The following GPATCH2L variants were observed in gnomAD, a reference collection of about 807,000 sequenced individuals.
The protein encoded by GPATCH2L is G-patch domain containing 2 like.
A neutral mutation model predicts 57.4 loss-of-function variants in GPATCH2L; 31 were observed. That is an observed-to-expected ratio of 0.54 (90% confidence interval 0.41 to 0.73). GPATCH2L has a LOEUF of 0.73. Among genes scored for constraint, GPATCH2L ranks in the 30% least tolerant of loss-of-function variants. The pLI is 0.00. For synonymous variants in GPATCH2L, 199 were observed against 210.7 expected (o/e 0.94, Z 0.48); for missense variants, 481 against 599.9 (o/e 0.80, Z 2.07).
intron 1 of GPATCH2L, chr14:76,153,033 G>A (rs1219695440): frequency 3.2e-6 from 1 of 315,952 alleles, no homozygotes; most frequent in South Asian, 2.6e-5. Flanking sequence ...AAATGTATGT[G>A]CTTTTGGACA....
chr14:76,199,497 G>C (rs1047009423), intron 9 of GPATCH2L, among the ~76,000 whole-genome samples: 25 of 152,108 alleles, frequency 1.6e-4, no homozygotes, highest in Non-Finnish European at 2.2e-4. Context: ...GTATGAATAT[G>C]ATTAATATGT....
chr14:76,198,464 G>C (rs1423731051), intron 9 of GPATCH2L, among the ~76,000 whole-genome samples: 1 of 152,182 alleles, frequency 6.6e-6, no homozygotes, highest in East Asian at 1.9e-4. Flanking sequence ...TCATCAGAAT[G>C]GTAGATCAGA....
chr14:76,167,180 A>G (rs181010637), intron 3 of GPATCH2L, among the ~76,000 whole-genome samples: 46 of 152,348 alleles, frequency 3.0e-4, no homozygotes, highest in African/African-American at 1.0e-3. Context: ...TGAATATATT[A>G]TATAAAACAT....
At chr14:76,186,976 C>T (rs748159952) in intron 8 of GPATCH2L, among the ~76,000 whole-genome samples, 2 of 151,326 alleles carry the variant, frequency 1.3e-5, no homozygotes, top group Non-Finnish European at 2.9e-5. Flanking sequence ...TTGCTAGGAT[C>T]GCTTCCTGTT....
chr14:76,173,096 T>G (rs541660309), intron 4 of GPATCH2L, among the ~76,000 whole-genome samples: 2 of 152,188 alleles, frequency 1.3e-5, no homozygotes, highest in African/African-American at 2.4e-5. Flanking sequence ...GTAGAACACA[T>G]GCAGCAGTGA....
rs1428580450 is a variant in GPATCH2L at position 76,154,456 on chromosome 14, C to G, written c.93C>G (p.Ser31Arg). The part of the protein sequence containing the change: ...LGELWEEMAL[S>R]PRQQRRQLRK... The stretch of plus-strand genomic sequence containing the variant: ...AACTGTGGGAGGAGATGGCGCTGAG[C>G]CCCCGACAGCAGAGGCGGCAGCTTC... The change falls in exon 2 of 10, where the codon AGC becomes AGG. Residue 31 changes from serine (S) to arginine (R), a missense_variant. Coordinates refer to ENST00000261530, the MANE Select transcript of GPATCH2L (RefSeq NM_017926.4). The surrounding 1 kb of genome is among the most constrained non-coding windows in gnomAD (Gnocchi z 4.4). 1 of 1,614,100 alleles carries G rather than the reference C, an allele frequency of 6.2e-7. No homozygotes were observed. The highest frequency in any genetic ancestry group is 1.7e-5 in the Admixed American group (1 of 60,010).
chr14:76,163,330 A>G (rs540215818), intron 2 of GPATCH2L, among the ~76,000 whole-genome samples: 34 of 152,260 alleles, frequency 2.2e-4, no homozygotes, highest in African/African-American at 7.5e-4. Context: ...TCAGTGAGTG[A>G]TATTTTTGGT....
At chr14:76,182,949 A>G (rs2039630844) in intron 8 of GPATCH2L, among the ~76,000 whole-genome samples, 1 of 152,244 alleles carries the variant, frequency 6.6e-6, no homozygotes, top group South Asian at 2.1e-4. Flanking sequence ...TTGTCTTAAT[A>G]CCAAATAAAA....
intron 1 of GPATCH2L, among the ~76,000 whole-genome samples, chr14:76,228,489 G>A (rs1199566987): frequency 1.3e-5 from 2 of 152,182 alleles, no homozygotes; most frequent in Non-Finnish European, 2.9e-5. Flanking sequence ...CTAGGTTGTC[G>A]GTTTTCCAAG....
At chr14:76,181,400 C>T (rs888243977) in intron 8 of GPATCH2L, among the ~76,000 whole-genome samples, 2 of 152,222 alleles carry the variant, frequency 1.3e-5, no homozygotes, top group Non-Finnish European at 2.9e-5. Flanking sequence ...CAGACCATCC[C>T]GTCTAAGGGG....
chr14:76,164,862 G>C (rs2038757289), intron 2 of GPATCH2L, among the ~76,000 whole-genome samples: 1 of 152,184 alleles, frequency 6.6e-6, no homozygotes, highest in Non-Finnish European at 1.5e-5. Flanking sequence ...TAATATACTT[G>C]TCAGAAAGTA....
At chr14:76,198,412 C>A (rs928290735) in intron 9 of GPATCH2L, among the ~76,000 whole-genome samples, 2 of 152,152 alleles carry the variant, frequency 1.3e-5, no homozygotes, top group South Asian at 2.1e-4. Flanking sequence ...ACATAATAAA[C>A]CCAGATGAAA....
chr14:76,176,473 A>G, intron 5 of GPATCH2L, 150 bp from the exon 6 acceptor site: 1 of 621,964 alleles, frequency 1.6e-6, no homozygotes, highest in South Asian at 1.9e-5. Context: ...AATAAAAAGA[A>G]GTATAGTTGC....
At chr14:76,169,845 A>C (rs2039005959) in intron 3 of GPATCH2L, among the ~76,000 whole-genome samples, 1 of 152,244 alleles carries the variant, frequency 6.6e-6, no homozygotes, top group Non-Finnish European at 1.5e-5. Context: ...TATTCAGTTC[A>C]TCTATGTATC....
At chr14:76,229,143 T>G (rs1291357395) in intron 1 of GPATCH2L, among the ~76,000 whole-genome samples, 1 of 152,166 alleles carries the variant, frequency 6.6e-6, no homozygotes, top group Admixed American at 6.5e-5. Context: ...AGACTTCAAT[T>G]TCTTTGAACC....
chr14:76,161,972 G>A (rs2038607095), intron 2 of GPATCH2L, among the ~76,000 whole-genome samples: 1 of 152,170 alleles, frequency 6.6e-6, no homozygotes, highest in African/African-American at 2.4e-5. Flanking sequence ...GGAGGCAGAG[G>A]TTGCAGTGAG....
downstream of GPATCH2L, among the ~76,000 whole-genome samples, chr14:76,217,364 A>T (rs991181062): frequency 2.6e-5 from 4 of 152,132 alleles, no homozygotes; most frequent in Non-Finnish European, 4.4e-5. Context: ...TGGGTTAGCT[A>T]TTGCATAATA....
At chr14:76,224,092 G>A (rs1261892327) in intron 1 of GPATCH2L, among the ~76,000 whole-genome samples, 4 of 152,154 alleles carry the variant, frequency 2.6e-5, no homozygotes, top group Non-Finnish European at 5.9e-5. Context: ...GTGGCAACAT[G>A]GATTAACTTT....
intron 5 of GPATCH2L, chr14:76,173,953 C>G (rs2039205496): frequency 2.7e-6 from 1 of 363,858 alleles, no homozygotes; most frequent in Non-Finnish European, 4.9e-6. Context: ...TTAAAATACT[C>G]TTGGCTTCTT....
Sources: gnomAD v4.1 joint callset for allele counts (sites outside exome capture counted in the v4.1 genomes callset) on GRCh38, gnomAD v4.1.1 for gene constraint, Gnocchi (gnomAD v3.1) non-coding constraint, MANE v1.5 for transcripts, NCBI Gene and HGNC (gene_info 2026-07-23, HGNC 2026-07-21) for gene names.